ZNF804B: variants seen among roughly 807,000 people sequenced by gnomAD.
The protein encoded by ZNF804B is zinc finger 804B.
In ZNF804B, 80 loss-of-function variants were observed where a neutral mutation model predicts 101.4. The observed-to-expected ratio is 0.79, with a 90% confidence interval of 0.66 to 0.95. The LOEUF is 0.95. ZNF804B is among the 40% of genes least tolerant of loss of function. ZNF804B has a pLI of 0.00. For synonymous variants in ZNF804B, 622 were observed against 558.8 expected (o/e 1.11, Z -1.59); for missense variants, 1,673 against 1,561.9 (o/e 1.07, Z -1.20).
intron 1 of ZNF804B, among the ~76,000 whole-genome samples, chr7:89,076,005 T>G (rs576955225): frequency 6.6e-6 from 1 of 152,344 alleles, no homozygotes; most frequent in Admixed American, 6.5e-5. Flanking sequence ...ACCCAGTGCC[T>G]GTATCACCAT....
intron 2 of ZNF804B, among the ~76,000 whole-genome samples, chr7:89,245,835 C>G (rs1231075422): frequency 6.6e-6 from 1 of 152,088 alleles, no homozygotes; most frequent in South Asian, 2.1e-4. Flanking sequence ...GTGAGTGAAA[C>G]CCTAGCACAC....
chr7:88,877,006 A>ATATATATATATTATATAT (rs1791949739), intron 1 of ZNF804B, among the ~76,000 whole-genome samples: 2 of 84,298 alleles, frequency 2.4e-5, no homozygotes, highest in African/African-American at 1.8e-4. Flanking sequence ...TTGAAAAAAA[A>ATATATATATATTATATAT]AATATATATA....
intron 1 of ZNF804B, among the ~76,000 whole-genome samples, chr7:89,029,701 A>T (rs1453610309): frequency 2.0e-5 from 3 of 152,074 alleles, no homozygotes; most frequent in African/African-American, 7.2e-5. Flanking sequence ...CATCAGATTG[A>T]CCTTTTGATT....
intron 1 of ZNF804B, among the ~76,000 whole-genome samples, chr7:88,770,734 C>T (rs1790049840): frequency 6.6e-6 from 1 of 152,116 alleles, no homozygotes; most frequent in Non-Finnish European, 1.5e-5. Context: ...ACTCACTGGA[C>T]TTCAGTATGC....
chr7:89,098,836 C>CA (rs148059281), intron 1 of ZNF804B, among the ~76,000 whole-genome samples: 1,827 of 151,770 alleles, frequency 0.012, 24 homozygotes, highest in African/African-American at 0.041. Context: ...AGTTAATATG[C>CA]ATTTATTTGT....
intron 1 of ZNF804B, among the ~76,000 whole-genome samples, chr7:88,856,763 T>A (rs937000873): frequency 6.6e-6 from 1 of 152,182 alleles, no homozygotes; most frequent in East Asian, 1.9e-4. Context: ...TAGCTCTTAT[T>A]ATTTTGAGAT....
chr7:89,321,485 T>A (rs1425737501), intron 2 of ZNF804B, among the ~76,000 whole-genome samples: 2 of 150,730 alleles, frequency 1.3e-5, no homozygotes, highest in Non-Finnish European at 3.0e-5. Context: ...TCTCAAAAAA[T>A]AATAATAATA....
intron 1 of ZNF804B, among the ~76,000 whole-genome samples, chr7:88,767,978 C>A (rs1790009306): frequency 6.6e-6 from 1 of 152,168 alleles, no homozygotes; most frequent in Non-Finnish European, 1.5e-5. Flanking sequence ...TTATAGCCTG[C>A]CATTACATCC....
chr7:89,167,350 G>A (rs1304982167), intron 1 of ZNF804B, among the ~76,000 whole-genome samples: 1 of 151,860 alleles, frequency 6.6e-6, no homozygotes, highest in African/African-American at 2.4e-5. Context: ...GGCTGAGGCA[G>A]GAGAATTGCT....
intron 1 of ZNF804B, among the ~76,000 whole-genome samples, chr7:88,793,697 A>G (rs1231332889): frequency 2.6e-5 from 4 of 152,098 alleles, no homozygotes; most frequent in African/African-American, 9.7e-5. Context: ...ATTATATTAC[A>G]TTATATGTCA....
intron 1 of ZNF804B, among the ~76,000 whole-genome samples, chr7:89,036,800 T>G (rs1451697055): frequency 6.6e-6 from 1 of 152,148 alleles, no homozygotes; most frequent in East Asian, 1.9e-4. Flanking sequence ...GGTGTTGGGT[T>G]GGACTCACTT....
At chr7:89,330,632 G>T (rs546336754) in intron 3 of ZNF804B, among the ~76,000 whole-genome samples, 2 of 151,022 alleles carry the variant, frequency 1.3e-5, no homozygotes, top group African/African-American at 4.9e-5. Flanking sequence ...TTAAGAAAAA[G>T]CAAATTAAAA....
chr7:89,287,390 G>A (rs1790219025), intron 2 of ZNF804B, among the ~76,000 whole-genome samples: 2 of 152,170 alleles, frequency 1.3e-5, no homozygotes. Context: ...TGTGAGAAAG[G>A]AGGTAAGTGA....
At chr7:89,238,480 C>G (rs1156402891) in intron 2 of ZNF804B, among the ~76,000 whole-genome samples, 2 of 152,100 alleles carry the variant, frequency 1.3e-5, no homozygotes, top group African/African-American at 4.8e-5. Context: ...AATATTACAT[C>G]CCACTGCATT....
intron 1 of ZNF804B, among the ~76,000 whole-genome samples, chr7:88,961,310 CTTTG>C (rs533664638): frequency 6.6e-5 from 10 of 151,340 alleles, no homozygotes; most frequent in Non-Finnish European, 1.2e-4. Context: ...CATACGTTTT[CTTTG>C]TTTGGGTGGA....
rs145547506 is a variant in ZNF804B, at chr7:88,975,619, T to A, written c.108+215535T>A. Among the ~76,000 whole-genome samples, 515 of 151,680 alleles carry A rather than the reference T, an allele frequency of 3.4e-3. 1 individual carries two copies. The highest frequency in any genetic ancestry group is 0.012 in the African/African-American group (499 of 41,512). ...GATCATTGCCCATTCTTAATCAGAT[T>A]ATGAAATTTTTTCTCATTGAGTTGT... is the stretch of plus-strand genomic sequence containing the variant. On this transcript the variant is annotated intron_variant, in intron 1 of 3. Coordinates refer to ENST00000333190, the MANE Select transcript of ZNF804B (RefSeq NM_181646.5).
chr7:89,265,291 T>TGTGTGTGTGTGTGTGTGC (rs1554386380), intron 2 of ZNF804B, among the ~76,000 whole-genome samples: 12 of 63,680 alleles, frequency 1.9e-4, no homozygotes, highest in African/African-American at 7.2e-4. Flanking sequence ...TGTGTGTGTG[T>TGTGTGTGTGTGTGTGTGC]GTGCGCGTGC....
intron 1 of ZNF804B, among the ~76,000 whole-genome samples, chr7:88,889,655 C>G (rs761148712): frequency 4.6e-5 from 4 of 87,724 alleles, no homozygotes; most frequent in Non-Finnish European, 8.5e-5. Context: ...TGTTTAAGTT[C>G]CTTGTAGATT....
At chr7:89,175,559 CTG>C (rs36114421) in intron 1 of ZNF804B, among the ~76,000 whole-genome samples, 31,160 of 151,864 alleles carry the variant, frequency 0.21, 3,387 homozygotes, top group Middle Eastern at 0.39. Flanking sequence ...TATTCTAGCT[CTG>C]TGATTCCATA....
Sources: gnomAD v4.1 joint callset for allele counts (sites outside exome capture counted in the v4.1 genomes callset) on GRCh38, gnomAD v4.1.1 for gene constraint, MANE v1.5 for transcripts, NCBI Gene and HGNC (gene_info 2026-07-23, HGNC 2026-07-21) for gene names.